Variants in UNC13C observed in about 807,000 individuals in gnomAD.
UNC13C encodes the protein protein unc-13 homolog C.
A neutral mutation model predicts 245.4 loss-of-function variants in UNC13C; 174 were observed. The observed-to-expected ratio is 0.71, with a 90% CI of 0.63 to 0.80. The LOEUF is 0.80. Among genes scored for constraint, UNC13C ranks in the 30% least tolerant of loss-of-function variants. The probability of loss-of-function intolerance (pLI) is 0.00; values close to 1 mark genes in which losing one functional copy is unlikely to be tolerated. For synonymous variants in UNC13C, 992 were observed against 895.1 expected, an observed-to-expected ratio of 1.11 and a Z score of -1.93; for missense variants, 2,829 against 2,602.9, an observed-to-expected ratio of 1.09 and a Z score of -1.89.
chr15:54,553,772 C>T (rs1386549940), intron 28 of UNC13C, among the ~76,000 whole-genome samples: 2 of 151,480 alleles, frequency 1.3e-5, no homozygotes, highest in East Asian at 3.9e-4. Flanking sequence ...ATTTCTAGCA[C>T]CAGCGTATAT....
intron 32 of UNC13C, 88 bp from the exon 33 acceptor site, chr15:54,626,740 A>T: frequency 8.7e-7 from 1 of 1,149,008 alleles, no homozygotes; most frequent in Non-Finnish European, 1.2e-6. Context: ...GATCCAATGT[A>T]TACAGTTTTC....
intron 25 of UNC13C, among the ~76,000 whole-genome samples, chr15:54,527,328 A>G (rs1178350870): frequency 6.6e-6 from 1 of 152,130 alleles, no homozygotes; most frequent in Non-Finnish European, 1.5e-5. Context: ...GGGTTAGCAG[A>G]AAGACTGTTG....
intron 2 of UNC13C, among the ~76,000 whole-genome samples, chr15:54,060,102 C>T (rs908754419): frequency 6.6e-6 from 1 of 151,916 alleles, no homozygotes; most frequent in Non-Finnish European, 1.5e-5. Context: ...GCAACAAAAG[C>T]CAAAATTGAC....
intron 7 of UNC13C, among the ~76,000 whole-genome samples, chr15:54,240,560 A>T (rs536252908): frequency 1.3e-5 from 2 of 152,346 alleles, no homozygotes; most frequent in African/African-American, 4.8e-5. Context: ...CTAATGCCTG[A>T]TGCAGGATGA....
chr15:54,144,204 A>G (rs1595906651), intron 4 of UNC13C, among the ~76,000 whole-genome samples: 2 of 152,342 alleles, frequency 1.3e-5, no homozygotes, highest in South Asian at 4.1e-4. Context: ...AAAAAATTCA[A>G]GCAGCCTCGT....
chr15:53,895,180 A>C, the UNC13C span, among the ~76,000 whole-genome samples: 5 of 151,902 alleles, frequency 3.3e-5, no homozygotes, highest in Non-Finnish European at 7.4e-5. Context: ...CCTGGCCAAC[A>C]TGGTGAAACC....
intron 17 of UNC13C, among the ~76,000 whole-genome samples, chr15:54,339,119 CG>C (rs563855895): frequency 6.6e-6 from 1 of 152,288 alleles, no homozygotes; most frequent in Admixed American, 6.5e-5. Flanking sequence ...CCGCCCGCCT[CG>C]GCCTCCCAAA....
chr15:54,610,059 A>G (rs948318396), intron 30 of UNC13C, among the ~76,000 whole-genome samples: 2 of 152,186 alleles, frequency 1.3e-5, no homozygotes, highest in African/African-American at 4.8e-5. Context: ...CCGCAATTCA[A>G]GATGAGATTT....
chr15:54,049,219 A>G (rs1042390286), intron 2 of UNC13C: 23 of 499,440 alleles, frequency 4.6e-5, no homozygotes, highest in Non-Finnish European at 7.8e-5. Context: ...GCTTTGTCTC[A>G]TTGCTATGGT....
rs374065846 is a variant in UNC13C, at chr15:54,013,191, A to G, written c.288A>G (p.Val96=). ...FSLSPTFSYR[V]AIANGLQKNA... ...TCTCACCAACATTCAGTTACCGAGT[A>G]GCTATTGCCAATGGCCTACAAAAGA... The change falls in exon 2 of 33, where the codon GTA becomes GTG. Residue 96 remains valine, a synonymous_variant. Coordinates refer to ENST00000260323, the MANE Select transcript of UNC13C (RefSeq NM_001080534.3). 1.4e-5 allele frequency: 23 copies of G among 1,613,868 alleles called. No individual in the cohort carries two copies. The East Asian group carries it at 3.6e-4, about 25-fold the overall frequency.
At chr15:54,594,447 G>A (rs919191722) in intron 30 of UNC13C, among the ~76,000 whole-genome samples, 1 of 150,826 alleles carries the variant, frequency 6.6e-6, no homozygotes, top group African/African-American at 2.5e-5. Context: ...ATCATCAGGT[G>A]GGGGCAGGGC....
the UNC13C span, among the ~76,000 whole-genome samples, chr15:53,886,432 A>G: frequency 2.0e-5 from 3 of 152,194 alleles, no homozygotes; most frequent in Non-Finnish European, 4.4e-5. Flanking sequence ...GAAAAAGGTG[A>G]GGAACAAATG....
intron 4 of UNC13C, among the ~76,000 whole-genome samples, chr15:54,225,424 C>T (rs552161284): frequency 1.3e-5 from 2 of 152,260 alleles, no homozygotes; most frequent in South Asian, 4.1e-4. Context: ...TCACAATATT[C>T]ATTCTTTCTA....
At chr15:53,887,113 C>T in the UNC13C span, among the ~76,000 whole-genome samples, 30 of 152,230 alleles carry the variant, frequency 2.0e-4, no homozygotes, top group South Asian at 6.2e-3. Context: ...AATCCTATAT[C>T]AATATGGCTT....
In UNC13C at chr15:54,455,205, C is replaced by CTCTCTCTA. The variant is rs1388065398; in HGVS notation, c.4934-39402_4934-39401insCTCTCTAT. ...TCTCTCTCTCTCTCTCTCTCTCTCT[C>CTCTCTCTA]TATATATATATATATATATATATAT... is the stretch of plus-strand genomic sequence containing the variant. On this transcript the variant is annotated intron_variant, in intron 19 of 32. Coordinates refer to ENST00000260323, the MANE Select transcript of UNC13C (RefSeq NM_001080534.3). Among the ~76,000 whole-genome samples the CTCTCTCTA allele has an allele frequency of 2.0e-3, 38 of 18,946 alleles. 1 individual carries two copies. The highest frequency in any genetic ancestry group is 8.4e-3 in the South Asian group (2 of 238). The allele number at this position is 18,946 out of a possible 152,430, so 12.4% of individuals were successfully genotyped here. A position where few individuals can be genotyped will look rare whatever the true frequency, so the allele number is the denominator to read the frequency against.
Position 54,312,730 on chromosome 15 carries a change from T to C in UNC13C, c.4269-9209T>C, listed in dbSNP as rs572406583. ...GCCTGGGGAGTCCATTAGCATGAAA[T>C]AGGGAGGGATTGATAGCCTTGCTTG... On this transcript the variant is annotated intron_variant, in intron 13 of 32. Coordinates refer to ENST00000260323, the MANE Select transcript of UNC13C (RefSeq NM_001080534.3). Among the ~76,000 whole-genome samples, 6 of 151,738 alleles carry C rather than the reference T, an allele frequency of 4.0e-5. No homozygotes were observed. The East Asian group carries it at 1.2e-3, about 30-fold the overall frequency.
intron 5 of UNC13C, among the ~76,000 whole-genome samples, 175 bp from the exon 6 acceptor site, chr15:54,236,255 A>G (rs2035697007): frequency 6.6e-6 from 1 of 152,220 alleles, no homozygotes; most frequent in South Asian, 2.1e-4. Context: ...TCCTGACTGA[A>G]AAGATCTTAT....
chr15:54,016,880 A>C (rs904701766), intron 2 of UNC13C, among the ~76,000 whole-genome samples: 5 of 152,210 alleles, frequency 3.3e-5, no homozygotes, highest in Admixed American at 1.3e-4. Flanking sequence ...ATTACTCTAC[A>C]TAATACTTCA....
the UNC13C span, among the ~76,000 whole-genome samples, chr15:53,883,939 TA>T: frequency 2.0e-5 from 3 of 152,208 alleles, no homozygotes; most frequent in Non-Finnish European, 4.4e-5. Context: ...AATTCAGGGC[TA>T]AAATTCCTAC....
Sources: allele counts gnomAD v4.1 joint callset (sites outside exome capture counted in the v4.1 genomes callset), GRCh38; gene constraint gnomAD v4.1.1; transcripts MANE v1.5; gene names NCBI Gene and HGNC (gene_info 2026-07-23, HGNC 2026-07-21).